The following CPNE8 variants were observed in gnomAD, a reference collection of about 807,000 sequenced individuals.
CPNE8 encodes the protein copine 8.
CPNE8 carries 45 observed loss-of-function variants against 81.5 expected under a neutral mutation model. The observed-to-expected ratio is 0.55, with a 90% CI of 0.44 to 0.71. The LOEUF (loss-of-function observed/expected upper bound fraction) is 0.71, where lower values mean the gene tolerates loss of function less well. Ranked by LOEUF, CPNE8 falls within the 30% of genes least tolerant of loss-of-function variation. The probability of loss-of-function intolerance (pLI) is 0.00; values close to 1 mark genes in which losing one functional copy is unlikely to be tolerated. For synonymous variants in CPNE8, 252 were observed against 226.3 expected, an observed-to-expected ratio of 1.11 and a Z score of -1.02; for missense variants, 594 against 672.1, an observed-to-expected ratio of 0.88 and a Z score of 1.28.
chr12:38,852,521 G>A (rs1275604534), intron 3 of CPNE8, among the ~76,000 whole-genome samples: 1 of 151,736 alleles, frequency 6.6e-6, no homozygotes, highest in Non-Finnish European at 1.5e-5. Context: ...AGAATCACTT[G>A]AACCTAGGAG....
Position 38,821,746 on chromosome 12 carries a change from C to T in CPNE8, c.407+7633G>A, listed in dbSNP as rs565487161. Among the ~76,000 whole-genome samples, 147 of 152,186 alleles carry T rather than the reference C, an allele frequency of 9.7e-4. 1 individual carries two copies. Among genetic ancestry groups the T allele is most frequent in the African/African-American group, 3.4e-3 (140 of 41,450 alleles). ...GGAATATCTGAGTAGAGCAGAGAAT[C>T]ATGGGAATCTGCAGATACACATAAT... On this transcript the variant is annotated intron_variant, in intron 6 of 19. Coordinates refer to ENST00000331366, the MANE Select transcript of CPNE8 (RefSeq NM_153634.3).
At chr12:38,903,725 T>C (rs909074934) in intron 1 of CPNE8, among the ~76,000 whole-genome samples, 2 of 152,324 alleles carry the variant, frequency 1.3e-5, no homozygotes, top group Middle Eastern at 3.4e-3. Flanking sequence ...TATCTGTATA[T>C]ACCAGTAACT....
chr12:38,877,275 G>C (rs1944080873), intron 1 of CPNE8, among the ~76,000 whole-genome samples: 1 of 152,118 alleles, frequency 6.6e-6, no homozygotes, highest in South Asian at 2.1e-4. Context: ...AATGAGGACA[G>C]AAAACCAGAA....
At chr12:38,758,591 C>T (rs777548964) in intron 10 of CPNE8, among the ~76,000 whole-genome samples, 4 of 152,072 alleles carry the variant, frequency 2.6e-5, no homozygotes, top group Admixed American at 6.5e-5. Context: ...ATTAGTTTTG[C>T]GACTTTAGGC....
chr12:38,660,728 TA>T (rs1489276160), intron 19 of CPNE8, among the ~76,000 whole-genome samples: 11 of 152,180 alleles, frequency 7.2e-5, no homozygotes, highest in African/African-American at 2.7e-4. Context: ...GACAAAGGGC[TA>T]ATATCCAGAA....
intron 13 of CPNE8, among the ~76,000 whole-genome samples, chr12:38,720,296 T>C (rs1470733920): frequency 6.6e-6 from 1 of 152,202 alleles, no homozygotes; most frequent in African/African-American, 2.4e-5. Context: ...CTTCAGGTAC[T>C]ATAGAATGCC....
intron 18 of CPNE8, among the ~76,000 whole-genome samples, chr12:38,671,935 AATAAG>A (rs1261201551): frequency 2.0e-5 from 3 of 152,142 alleles, no homozygotes; most frequent in Non-Finnish European, 4.4e-5. Flanking sequence ...TATTACCAAT[AATAAG>A]ATAATTATCC....
At chr12:38,882,399 A>T (rs765439296) in intron 1 of CPNE8, among the ~76,000 whole-genome samples, 1 of 152,212 alleles carries the variant, frequency 6.6e-6, no homozygotes, top group Non-Finnish European at 1.5e-5. Context: ...GAGGGACATC[A>T]GCCCTGCCAA....
At chr12:38,829,507 G>A in intron 5 of CPNE8, 52 bp from the exon 6 acceptor site, 1 of 1,289,602 alleles carries the variant, frequency 7.8e-7, no homozygotes, top group Non-Finnish European at 1.1e-6. Context: ...TATCTTTACA[G>A]TATATGTTTT....
At chr12:38,864,944 G>C (rs572126840) in intron 3 of CPNE8, among the ~76,000 whole-genome samples, 1 of 152,228 alleles carries the variant, frequency 6.6e-6, no homozygotes, top group East Asian at 1.9e-4. Flanking sequence ...AAAGGAAAAA[G>C]ATATTTGCAA....
chr12:38,750,889 AATG>A (rs1941341744), intron 10 of CPNE8, among the ~76,000 whole-genome samples: 1 of 152,124 alleles, frequency 6.6e-6, no homozygotes, highest in Non-Finnish European at 1.5e-5. Flanking sequence ...CCAGGGGCAG[AATG>A]ATATGGTTTG....
intron 15 of CPNE8, among the ~76,000 whole-genome samples, chr12:38,693,268 C>T (rs959726602): frequency 6.6e-6 from 1 of 152,148 alleles, no homozygotes; most frequent in African/African-American, 2.4e-5. Flanking sequence ...TTCAAGTCAC[C>T]TAAGCTGAGA....
At chr12:38,838,605 T>G (rs1054412552) in intron 5 of CPNE8, among the ~76,000 whole-genome samples, 2 of 152,156 alleles carry the variant, frequency 1.3e-5, no homozygotes, top group African/African-American at 2.4e-5. Flanking sequence ...AAATGTCTAG[T>G]CACAATGCTA....
chr12:38,681,103 T>C (rs1462288542), intron 16 of CPNE8, among the ~76,000 whole-genome samples: 1 of 152,034 alleles, frequency 6.6e-6, no homozygotes, highest in East Asian at 1.9e-4. Flanking sequence ...CTTGAAATTT[T>C]CATTAGTATA....
At chr12:38,799,801 C>T (rs1420961287) in intron 6 of CPNE8, among the ~76,000 whole-genome samples, 1 of 142,002 alleles carries the variant, frequency 7.0e-6, no homozygotes, top group African/African-American at 2.5e-5. Context: ...TGTGTGCGCG[C>T]ACCGTGCGCG....
chr12:38,767,059 C>T (rs1294641834), intron 8 of CPNE8, among the ~76,000 whole-genome samples: 1 of 151,958 alleles, frequency 6.6e-6, no homozygotes, highest in African/African-American at 2.4e-5. Flanking sequence ...CTCACAAATA[C>T]TAATAGTACA....
chr12:38,850,329 G>C (rs777451532), intron 3 of CPNE8, among the ~76,000 whole-genome samples: 96 of 152,140 alleles, frequency 6.3e-4, no homozygotes, highest in Non-Finnish European at 2.5e-4. Context: ...CTCACACTCA[G>C]AGAGAATTTT....
intron 1 of CPNE8, among the ~76,000 whole-genome samples, chr12:38,889,565 A>G (rs1224248215): frequency 6.6e-6 from 1 of 152,168 alleles, no homozygotes; most frequent in Non-Finnish European, 1.5e-5. Context: ...GGTTTGGAAG[A>G]TCCTGATGAC....
chr12:38,680,320 T>C (rs1224535934), intron 16 of CPNE8, among the ~76,000 whole-genome samples: 2 of 152,094 alleles, frequency 1.3e-5, no homozygotes, highest in Admixed American at 6.5e-5. Context: ...TCAATTATGA[T>C]TTGCAAAATG....
Sources: gnomAD v4.1 joint callset for allele counts (sites outside exome capture counted in the v4.1 genomes callset) on GRCh38, gnomAD v4.1.1 for gene constraint, MANE v1.5 for transcripts, NCBI Gene and HGNC (gene_info 2026-07-23, HGNC 2026-07-21) for gene names.